TMEM39A: variants seen among roughly 807,000 people sequenced by gnomAD.
The protein encoded by TMEM39A is suppressor of SQST-1 aggregates in rpl-43 mutants.
A neutral mutation model predicts 51.9 loss-of-function variants in TMEM39A; 19 were observed. That is an observed-to-expected ratio of 0.37 (90% CI 0.26 to 0.54). The LOEUF (loss-of-function observed/expected upper bound fraction) is 0.54, where lower values mean the gene tolerates loss of function less well. TMEM39A is among the 20% of genes least tolerant of loss of function. The probability of loss-of-function intolerance (pLI) is 0.88; values close to 1 mark genes in which losing one functional copy is unlikely to be tolerated. For synonymous variants in TMEM39A, 197 were observed against 220.2 expected (o/e 0.89, Z 0.93); for missense variants, 433 against 590.5 (o/e 0.73, Z 2.76).
chr3:119,439,397 A>C lies in TMEM39A; in HGVS notation c.576-1294T>G, dbSNP rs568635937. 2.6e-4 allele frequency among the ~76,000 whole-genome samples: 40 copies of C among 152,228 alleles called. 1 individual carries two copies. In the East Asian group the frequency reaches 7.5e-3, roughly 29 times the overall value. On this transcript the variant is annotated intron_variant, in intron 5 of 8. Coordinates refer to ENST00000319172, the MANE Select transcript of TMEM39A (RefSeq NM_018266.3). ...GGAGTTCAAGACCAGCCTGGTCAAC[A>C]TGGTAAAACTCTGTCTCTACTAATA...
At chr3:119,437,002 A>AGG in intron 6 of TMEM39A, 24 bp from the exon 7 acceptor site, 1 of 1,598,942 alleles carries the variant, frequency 6.3e-7, no homozygotes, top group Non-Finnish European at 8.6e-7. Context: ...GAAGAGAGAG[A>AGG]AATGATCCAT....
Position 119,431,988 on chromosome 3 carries a change from G to T in TMEM39A, c.1460C>A (p.Ala487Glu). 1 of 1,584,406 alleles carries T rather than the reference G, an allele frequency of 6.3e-7. No individual in the cohort carries two copies. Among genetic ancestry groups the T allele is most frequent in the South Asian group, 1.2e-5 (1 of 86,082 alleles). ...SYPLNSYELK[A>E]N ...TCATTGTTGAGAGGCAGCTTAGTTT[G>T]CCTTGAGTTCATAACTGTTGAGTGG... The change falls in exon 9 of 9, where the codon GCA (alanine) becomes GAA (glutamate). Residue 487 changes from alanine (A) to glutamate (E), a missense_variant. By Grantham distance (107) the Ala-to-Glu change is moderately radical. Coordinates refer to ENST00000319172, the MANE Select transcript of TMEM39A (RefSeq NM_018266.3).
At chr3:119,451,409 T>C in intron 4 of TMEM39A, 3 of 780,678 alleles carry the variant, frequency 3.8e-6, no homozygotes, top group South Asian at 1.5e-5. Flanking sequence ...GAATTATAAG[T>C]TCCAAGATTA....
At chr3:119,449,897 G>A (rs2081176523) in intron 4 of TMEM39A, among the ~76,000 whole-genome samples, 1 of 152,184 alleles carries the variant, frequency 6.6e-6, no homozygotes, top group African/African-American at 2.4e-5. Flanking sequence ...CCTACGTGGA[G>A]AGGTAGTCCT....
intron 5 of TMEM39A, among the ~76,000 whole-genome samples, chr3:119,445,237 TG>T (rs2081108490): frequency 6.6e-6 from 1 of 152,126 alleles, no homozygotes; most frequent in African/African-American, 2.4e-5. Context: ...ACACAAGATT[TG>T]GGAATTTTAT....
At chr3:119,445,222 C>A (rs1018948778) in intron 5 of TMEM39A, among the ~76,000 whole-genome samples, 2 of 152,114 alleles carry the variant, frequency 1.3e-5, no homozygotes, top group African/African-American at 4.8e-5. Flanking sequence ...AACAAAACTC[C>A]ATATACACAA....
Position 119,435,389 on chromosome 3 carries a change from C to T in TMEM39A, c.1113-507G>A, listed in dbSNP as rs923197035. 3 of 985,126 alleles carry T rather than the reference C, an allele frequency of 3.0e-6. No homozygotes were observed. In the African/African-American group the frequency reaches 5.2e-5, roughly 17 times the overall value. 61.0% of individuals were successfully genotyped at this position (985,126 alleles called of 1,614,324 possible). A position where few individuals can be genotyped will look rare whatever the true frequency, so the allele number is the denominator to read the frequency against. On this transcript the variant is annotated intron_variant, in intron 7 of 8. Coordinates refer to ENST00000319172, the MANE Select transcript of TMEM39A (RefSeq NM_018266.3). ...CTTATCACACAATTCAAATACCTCA[C>T]AACTGTAAGAAGATATACAGTAGAA...
rs1262135212 is a variant in TMEM39A, at chr3:119,437,366, T to C, written c.925-388A>G. 2.0e-5 allele frequency among the ~76,000 whole-genome samples: 3 copies of C among 152,082 alleles called. No individual in the cohort carries two copies. The East Asian group carries it at 5.8e-4, about 29-fold the overall frequency. On this transcript the variant is annotated intron_variant, in intron 6 of 8. Coordinates refer to ENST00000319172, the MANE Select transcript of TMEM39A (RefSeq NM_018266.3). ...TTTTCTATTAAAGTAAACTGAAGTT[T>C]AGATAAGGGCTAGATTAAATTCAAG...
rs2080904803 is a variant in TMEM39A at position 119,431,834 on chromosome 3, A to G, written c.*147T>C. 7.3e-6 allele frequency: 4 copies of G among 545,716 alleles called. No individual in the cohort carries two copies. In the Admixed American group the frequency reaches 1.4e-4, roughly 19 times the overall value. The allele number at this position is 545,716 out of a possible 1,614,324, so 33.8% of individuals were successfully genotyped here. A position where few individuals can be genotyped will look rare whatever the true frequency, so the allele number is the denominator to read the frequency against. On this transcript the variant is annotated 3_prime_UTR_variant, in exon 9 of 9. Coordinates refer to ENST00000319172, the MANE Select transcript of TMEM39A (RefSeq NM_018266.3). ...ATCACATCACCTTGTTTACGGATAC[A>G]TTTAATATCCCTTACTCTTCCCGAC...
chr3:119,459,989 T>TA (rs2081317362), intron 2 of TMEM39A, among the ~76,000 whole-genome samples: 2 of 151,956 alleles, frequency 1.3e-5, no homozygotes, highest in African/African-American at 2.4e-5. Flanking sequence ...CGTCCCCAGG[T>TA]CTTTTATAAC....
chr3:119,452,253 C>T (rs2081210893), intron 4 of TMEM39A, among the ~76,000 whole-genome samples, 194 bp downstream of exon 4: 1 of 152,168 alleles, frequency 6.6e-6, no homozygotes, highest in Non-Finnish European at 1.5e-5. Context: ...AATGAATTTT[C>T]TAACAGTTTT....
chr3:119,442,367 C>T (rs1029806591), intron 5 of TMEM39A, among the ~76,000 whole-genome samples: 33 of 150,816 alleles, frequency 2.2e-4, no homozygotes, highest in Middle Eastern at 3.5e-3. Flanking sequence ...AAAGTACTTA[C>T]TGCTCATTGA....
At position 119,431,919 on chromosome 3, in the gene TMEM39A, GA is replaced by G. The variant is rs2080905891; in HGVS notation, c.*61del. 40 of 1,124,704 alleles carry G rather than the reference GA, an allele frequency of 3.6e-5. 2 individuals are homozygous for G. The South Asian group carries it at 5.9e-4, about 17-fold the overall frequency. The allele number at this position is 1,124,704 out of a possible 1,614,324, so 69.7% of individuals were successfully genotyped here. A position where few individuals can be genotyped will look rare whatever the true frequency, so the allele number is the denominator to read the frequency against. ...TCTTAAATATTTATAAAAATCACAA[GA>G]AAAAAATAGAACGTATGAAAATATT... On this transcript the variant is annotated 3_prime_UTR_variant, in exon 9 of 9. Coordinates refer to ENST00000319172, the MANE Select transcript of TMEM39A (RefSeq NM_018266.3).
At chr3:119,436,355 T>C (rs981534781) in intron 7 of TMEM39A, among the ~76,000 whole-genome samples, 17 of 152,226 alleles carry the variant, frequency 1.1e-4, no homozygotes, top group African/African-American at 3.9e-4. Flanking sequence ...AAACTGCATG[T>C]ATTAGAAAGA....
chr3:119,435,453 C>T, intron 7 of TMEM39A: 3 of 980,584 alleles, frequency 3.1e-6, no homozygotes, highest in Non-Finnish European at 3.6e-6. Flanking sequence ...AGACTTTTCA[C>T]TGCTTTCATG....
intron 2 of TMEM39A, among the ~76,000 whole-genome samples, chr3:119,458,635 C>T (rs1000165201): frequency 3.3e-5 from 5 of 152,138 alleles, no homozygotes; most frequent in Non-Finnish European, 7.4e-5. Context: ...TGGCTCACAC[C>T]TGTAATCCCA....
chr3:119,442,148 A>G (rs955361477), intron 5 of TMEM39A, among the ~76,000 whole-genome samples: 2 of 151,950 alleles, frequency 1.3e-5, no homozygotes, highest in Admixed American at 6.6e-5. Context: ...CGACACCAGC[A>G]TGGCCAACAT....
intron 1 of TMEM39A, among the ~76,000 whole-genome samples, chr3:119,462,559 A>C (rs1198514714): frequency 7.0e-6 from 1 of 142,792 alleles, no homozygotes; most frequent in East Asian, 2.1e-4. Context: ...TTGTGAGCTC[A>C]GATGGTCACA....
chr3:119,453,057 A>G (rs976655948), intron 3 of TMEM39A, among the ~76,000 whole-genome samples: 2 of 152,166 alleles, frequency 1.3e-5, no homozygotes, highest in African/African-American at 4.8e-5. Flanking sequence ...GGTCTCTTCT[A>G]AAAAATAATA....
Sources: gnomAD v4.1 joint callset for allele counts (sites outside exome capture counted in the v4.1 genomes callset) on GRCh38, gnomAD v4.1.1 for gene constraint, MANE v1.5 for transcripts, NCBI Gene and HGNC (gene_info 2026-07-23, HGNC 2026-07-21) for gene names.